E2F3: variants seen among roughly 807,000 people sequenced by gnomAD.
E2F3 encodes transcription factor E2F3.
E2F3 carries 11 observed loss-of-function variants against 44.4 expected under a neutral mutation model. That is an observed-to-expected ratio of 0.25 (90% CI 0.16 to 0.41). The LOEUF (loss-of-function observed/expected upper bound fraction) is 0.41. Among genes scored for constraint, E2F3 ranks in the 10% least tolerant of loss-of-function variants. E2F3 has a pLI of 1.00. For missense variants in E2F3, 487 were observed against 583.6 expected (o/e 0.83, Z 1.70); for synonymous variants, 249 against 253.0 (o/e 0.98, Z 0.15).
intron 1 of E2F3, among the ~76,000 whole-genome samples, chr6:20,456,520 A>G (rs892934326): frequency 1.3e-5 from 2 of 152,144 alleles, no homozygotes; most frequent in Admixed American, 1.3e-4. Flanking sequence ...CTTGCTTTTT[A>G]TGAAATGACT....
At chr6:20,420,791 C>T (rs921104101) in intron 1 of E2F3, among the ~76,000 whole-genome samples, 1 of 152,194 alleles carries the variant, frequency 6.6e-6, no homozygotes, top group Admixed American at 6.5e-5. Context: ...GCTGGGGCAG[C>T]TGTGGCAATT....
At chr6:20,433,075 A>G (rs1219037522) in intron 1 of E2F3, among the ~76,000 whole-genome samples, 3 of 152,160 alleles carry the variant, frequency 2.0e-5, no homozygotes, top group Non-Finnish European at 4.4e-5. Context: ...TAGTGCCCAC[A>G]ATGTTGCCCG....
At position 20,491,249 on chromosome 6, in the gene E2F3, T is replaced by TG. The variant is rs1762544714; in HGVS notation, c.*819_*820insG. ...GGATTGTTCTAGACTTTTAATTTTT[T>TG]TAGCTGCCATTTAAGCATTCCTGTG... is the stretch of plus-strand genomic sequence containing the variant. On this transcript the variant is annotated 3_prime_UTR_variant, in exon 7 of 7. Transcript: ENST00000346618. The TG allele has an allele frequency of 8.6e-6, 2 of 231,840 alleles. No individual in the cohort carries two copies. Among genetic ancestry groups the TG allele is most frequent in the South Asian group, 3.6e-4 (2 of 5,506 alleles). The allele number at this position is 231,840 out of a possible 1,614,324, so 14.4% of individuals were successfully genotyped here.
chr6:20,446,458 T>C (rs1175757395), intron 1 of E2F3, among the ~76,000 whole-genome samples: 1 of 152,214 alleles, frequency 6.6e-6, no homozygotes, highest in Non-Finnish European at 1.5e-5. Context: ...TTGTTTTGTA[T>C]CATACCACAA....
chr6:20,477,784 A>T (rs1317725824), intron 1 of E2F3, among the ~76,000 whole-genome samples: 5 of 152,230 alleles, frequency 3.3e-5, no homozygotes, highest in African/African-American at 4.8e-5. Flanking sequence ...GTGGATCATC[A>T]TAAAATTCAT....
At chr6:20,453,680 A>T (rs1482009206) in intron 1 of E2F3, among the ~76,000 whole-genome samples, 1 of 152,170 alleles carries the variant, frequency 6.6e-6, no homozygotes, top group Non-Finnish European at 1.5e-5. Context: ...AAGTGCTGAG[A>T]TTATAGGCAG....
At chr6:20,458,372 C>T (rs1404388956) in intron 1 of E2F3, among the ~76,000 whole-genome samples, 1 of 152,078 alleles carries the variant, frequency 6.6e-6, no homozygotes, top group African/African-American at 2.4e-5. Context: ...GGGTCTTTAA[C>T]CCCTAATCTA....
intron 1 of E2F3, among the ~76,000 whole-genome samples, chr6:20,430,442 G>A (rs568514451): frequency 3.9e-5 from 6 of 152,224 alleles, no homozygotes; most frequent in South Asian, 2.1e-4. Context: ...AATAAATCTC[G>A]TATAGTTATT....
intron 1 of E2F3, among the ~76,000 whole-genome samples, chr6:20,431,564 G>T (rs1760401944): frequency 6.6e-6 from 1 of 152,132 alleles, no homozygotes; most frequent in Non-Finnish European, 1.5e-5. Context: ...GGAAGCCAGT[G>T]GATAAATGGC....
chr6:20,441,944 C>A (rs1013999648), intron 1 of E2F3, among the ~76,000 whole-genome samples: 3 of 151,936 alleles, frequency 2.0e-5, no homozygotes, highest in Non-Finnish European at 4.4e-5. Flanking sequence ...ACTAGCCATG[C>A]ACTAGGGGAT....
chr6:20,488,155 G>A lies in E2F3; in HGVS notation c.1042G>A (p.Val348Ile). ...HLASTQGPIEVYLCPEETETH... is the reference protein window; with the variant it reads ...HLASTQGPIEIYLCPEETETH... ...GGCAAGTACCCAAGGGCCCATTGAG[G>A]TTTACTTATGTCCAGAAGAGACTGA... Residue 348 changes from valine (V) to isoleucine (I), a missense_variant, in exon 6 of 7, where the codon GTT (valine) becomes ATT (isoleucine). Transcript: ENST00000346618. 6.2e-7 allele frequency: 1 copy of A among 1,614,082 alleles called. No individual in the cohort carries two copies. Among genetic ancestry groups the A allele is most frequent in the Non-Finnish European group, 8.5e-7 (1 of 1,180,008 alleles).
At chr6:20,432,592 T>TA (rs561824118) in intron 1 of E2F3, among the ~76,000 whole-genome samples, 7 of 152,130 alleles carry the variant, frequency 4.6e-5, no homozygotes, top group Non-Finnish European at 4.4e-5. Context: ...ACAGCTGGGG[T>TA]TGAATTAGAT....
At chr6:20,451,741 T>C (rs989205157) in intron 1 of E2F3, among the ~76,000 whole-genome samples, 3 of 152,166 alleles carry the variant, frequency 2.0e-5, no homozygotes, top group African/African-American at 7.2e-5. Flanking sequence ...TCATTCAATA[T>C]GTAGTTTACT....
intron 1 of E2F3, among the ~76,000 whole-genome samples, chr6:20,431,225 T>C (rs561087570): frequency 3.3e-5 from 5 of 152,316 alleles, no homozygotes; most frequent in African/African-American, 1.2e-4. Context: ...TGGATGCCAC[T>C]ATCATTACAT....
Position 20,488,104 on chromosome 6 carries a change from T to C in E2F3, c.1000-9T>C. ...TTCTGATTCGAACTTCTCCCACTTC[T>C]GTTCATAGAGCCTACAAATACATTT... is the stretch of plus-strand genomic sequence containing the variant. On this transcript the variant is annotated splice_polypyrimidine_tract_variant and intron_variant, in intron 5 of 6. Transcript: ENST00000346618. 6.2e-7 allele frequency: 1 copy of C among 1,613,594 alleles called. No individual in the cohort carries two copies. Among genetic ancestry groups the C allele is most frequent in the South Asian group, 1.1e-5 (1 of 90,984 alleles).
rs904941451 is a variant in E2F3 at position 20,491,356 on chromosome 6, C to T, written c.*926C>T. On this transcript the variant is annotated 3_prime_UTR_variant, in exon 7 of 7. Transcript: ENST00000346618. ...TATTACTTAAGCAGAGGGAGAGAAC[C>T]TCTACTGATCAGAGCATCTAAACCT... 26 of 228,130 alleles carry T rather than the reference C, an allele frequency of 1.1e-4. No homozygotes were observed. The highest frequency in any genetic ancestry group is 5.3e-4 in the African/African-American group (24 of 45,106). The allele number at this position is 228,130 out of a possible 1,614,324, so 14.1% of individuals were successfully genotyped here.
intron 1 of E2F3, among the ~76,000 whole-genome samples, chr6:20,458,473 C>G (rs796240038): frequency 6.6e-6 from 1 of 152,178 alleles, no homozygotes; most frequent in East Asian, 1.9e-4. Flanking sequence ...GACCATTTCT[C>G]CACTTCCTCA....
intron 1 of E2F3, among the ~76,000 whole-genome samples, chr6:20,425,043 A>G (rs942044413): frequency 6.6e-6 from 1 of 152,188 alleles, no homozygotes; most frequent in African/African-American, 2.4e-5. Context: ...TGGCTTTTAC[A>G]GAGTAGAGTG....
chr6:20,470,794 G>A (rs963586052), intron 1 of E2F3, among the ~76,000 whole-genome samples: 2 of 152,078 alleles, frequency 1.3e-5, no homozygotes, highest in Admixed American at 1.3e-4. Context: ...TTTTCCTGTG[G>A]CTCAGTGGCA....
Sources: allele counts gnomAD v4.1 joint callset (sites outside exome capture counted in the v4.1 genomes callset), GRCh38; gene constraint gnomAD v4.1.1; transcripts MANE v1.5; gene names NCBI Gene and HGNC (gene_info 2026-07-23, HGNC 2026-07-21).